Variants in ABCA5 observed in about 807,000 individuals in gnomAD.
ABCA5 encodes ATP binding cassette subfamily A member 5.
In ABCA5, 163 loss-of-function variants were observed where a neutral mutation model predicts 206.0. That is an observed-to-expected ratio of 0.79 (90% CI 0.70 to 0.90). The LOEUF is 0.90. Ranked by LOEUF, ABCA5 falls within the 40% of genes least tolerant of loss-of-function variation. The pLI, the probability that ABCA5 is intolerant of heterozygous loss-of-function variation, is 0.00. For synonymous variants in ABCA5, 609 were observed against 613.8 expected (o/e 0.99, Z 0.11); for missense variants, 1,859 against 1,912.9 (o/e 0.97, Z 0.53).
At chr17:69,318,464 T>A (rs1460578373) in intron 1 of ABCA5, among the ~76,000 whole-genome samples, 1 of 152,160 alleles carries the variant, frequency 6.6e-6, no homozygotes, top group Non-Finnish European at 1.5e-5. Flanking sequence ...TAAATGAGCA[T>A]CTTCTTTATA....
chr17:69,251,921 A>T, intron 34 of ABCA5, 55 bp from the exon 35 acceptor site: 1 of 1,583,014 alleles, frequency 6.3e-7, no homozygotes. Flanking sequence ...GTTAAAAAAA[A>T]ATGGGTTTTT....
intron 5 of ABCA5, 76 bp from the exon 6 acceptor site, chr17:69,307,030 T>A: frequency 9.5e-7 from 1 of 1,050,958 alleles, no homozygotes; most frequent in Non-Finnish European, 1.3e-6. Flanking sequence ...GACAGCTATA[T>A]CCCTAAATTT....
In ABCA5 at chr17:69,273,493, T is replaced by C. The variant is rs1330767308; in HGVS notation, c.2764+466A>G. Among the ~76,000 whole-genome samples, 3 of 110,502 alleles carry C rather than the reference T, an allele frequency of 2.7e-5. No homozygotes were observed. The South Asian group carries it at 8.9e-4, about 33-fold the overall frequency. 72.5% of individuals were successfully genotyped at this position (110,502 alleles called of 152,430 possible). On this transcript the variant is annotated intron_variant, in intron 20 of 38. Coordinates refer to ENST00000392676, the MANE Select transcript of ABCA5 (RefSeq NM_172232.4). Reference sequence around the variant, plus strand: ...TATTTTGAGGCAGAGTCTCCCTCTGTTGCCCAGACTGGAATGCAGTGGTGC... The same window carrying C: ...TATTTTGAGGCAGAGTCTCCCTCTGCTGCCCAGACTGGAATGCAGTGGTGC...
At chr17:69,277,261 G>A (rs1345462) in intron 19 of ABCA5, among the ~76,000 whole-genome samples, 24,615 of 151,956 alleles carry the variant, frequency 0.16, 2,145 homozygotes, top group African/African-American at 0.22. Flanking sequence ...AAAAAATAGC[G>A]AAAAAATAGA....
intron 32 of ABCA5, 72 bp downstream of exon 32, chr17:69,254,243 T>C (rs1598148452): frequency 7.8e-6 from 10 of 1,284,532 alleles, no homozygotes; most frequent in East Asian, 4.9e-5. Context: ...ATGCTTGTTA[T>C]GAAATTTTAA....
chr17:69,267,971 A>C lies in ABCA5; in HGVS notation c.3116T>G (p.Phe1039Cys). Residue 1039 changes from phenylalanine (F) to cysteine (C), a missense_variant, in exon 23 of 39, where the codon TTT becomes TGT. Phe to Cys is a radical substitution (Grantham distance 205, BLOSUM62 -2). Transcript: ENST00000392676. The part of the protein sequence containing the change: ...GIIVTAMPPY[F>C]AMENAENHKI... ...ATGATTCTCTGCATTTTCCATGGCA[A>C]AGTAAGGTGGCATTGCAGTAACAAT... 6.2e-7 allele frequency: 1 copy of C among 1,610,300 alleles called. No individual in the cohort carries two copies. The highest frequency in any genetic ancestry group is 8.5e-7 in the Non-Finnish European group (1 of 1,177,250).
intron 29 of ABCA5, 22 bp downstream of exon 29, chr17:69,256,135 T>G (rs1333171892): frequency 6.5e-7 from 1 of 1,543,354 alleles, no homozygotes; most frequent in South Asian, 1.3e-5. Flanking sequence ...TTACTATGAC[T>G]TAGCCATAAA....
At chr17:69,262,491 TTTCTG>T (rs966928637) in intron 24 of ABCA5, among the ~76,000 whole-genome samples, 3 of 152,174 alleles carry the variant, frequency 2.0e-5, no homozygotes, top group African/African-American at 4.8e-5. Context: ...AATAGTTGGT[TTTCTG>T]TTCCTTTGTT....
intron 29 of ABCA5, 113 bp downstream of exon 29, chr17:69,256,044 A>G (rs1298382783): frequency 4.4e-6 from 6 of 1,373,256 alleles, no homozygotes; most frequent in Non-Finnish European, 5.8e-6. Flanking sequence ...TCCAAGAAAG[A>G]TTTTTTTCAG....
chr17:69,259,914 G>C (rs144221594), intron 27 of ABCA5, 117 bp from the exon 28 acceptor site: 169 of 484,266 alleles, frequency 3.5e-4, no homozygotes, highest in African/African-American at 3.2e-3. Flanking sequence ...ATTACCAAAA[G>C]AAGTAATCAC....
chr17:69,255,024 G>A (rs1357314257), intron 31 of ABCA5, among the ~76,000 whole-genome samples: 1 of 152,140 alleles, frequency 6.6e-6, no homozygotes, highest in Non-Finnish European at 1.5e-5. Flanking sequence ...TAGGGTATAA[G>A]GTATAGCCAA....
chr17:69,286,400 C>A, intron 15 of ABCA5, 89 bp from the exon 16 acceptor site: 1 of 1,106,522 alleles, frequency 9.0e-7, no homozygotes, highest in South Asian at 1.4e-5. Context: ...ATATGAGAGT[C>A]ATCCACATTA....
Position 69,259,812 on chromosome 17 carries a change from T to C in ABCA5, c.3640-15A>G, listed in dbSNP as rs530233030. On this transcript the variant is annotated splice_polypyrimidine_tract_variant and intron_variant, in intron 27 of 38. Transcript: ENST00000392676. The stretch of plus-strand genomic sequence containing the variant: ...TGCAGGTAAGGCTAAAAGAAGAACA[T>C]GTAGCAGCTCATGACTAAAAGATTT... 7 of 1,484,542 alleles carry C rather than the reference T, an allele frequency of 4.7e-6. No homozygotes were observed. The highest frequency in any genetic ancestry group is 1.9e-5 in the Admixed American group (1 of 53,412). 92.0% of individuals were successfully genotyped at this position (1,484,542 alleles called of 1,614,324 possible). A position where few individuals can be genotyped will look rare whatever the true frequency, so the allele number is the denominator to read the frequency against.
chr17:69,267,952 C>G lies in ABCA5; in HGVS notation c.3135G>C (p.Glu1045Asp). 6.3e-7 allele frequency: 1 copy of G among 1,598,508 alleles called. No homozygotes were observed. Among genetic ancestry groups the G allele is most frequent in the Non-Finnish European group, 8.6e-7 (1 of 1,167,152 alleles). The change falls in exon 23 of 39, where the codon GAG becomes GAC. Residue 1045 changes from glutamate (E) to aspartate (D), a missense_variant. Physicochemically the swap from Glu to Asp is conservative, Grantham distance 45. Coordinates refer to ENST00000392676, the MANE Select transcript of ABCA5 (RefSeq NM_172232.4). ...MPPYFAMENA[E>D]NHKIKAYTQL... Reference sequence around the variant, plus strand: ...TTAACTGAGTCATTACCTTATGATTCTCTGCATTTTCCATGGCAAAGTAAG... The same window carrying G: ...TTAACTGAGTCATTACCTTATGATTGTCTGCATTTTCCATGGCAAAGTAAG...
At chr17:69,314,528 A>G in intron 1 of ABCA5, 98 bp from the exon 2 acceptor site, 2 of 688,982 alleles carry the variant, frequency 2.9e-6, no homozygotes, top group South Asian at 3.6e-5. Flanking sequence ...AGTCCCAGGT[A>G]AGATGGATTA....
chr17:69,247,236 A>T lies in ABCA5; in HGVS notation c.*301T>A, dbSNP rs781705311. ...GATAACTTAAAAATAAAACTATTCTATTACAATTCCTTTAAATCACAAATT... is the reference window on the plus strand; with the variant it reads ...GATAACTTAAAAATAAAACTATTCTTTTACAATTCCTTTAAATCACAAATT... On this transcript the variant is annotated 3_prime_UTR_variant, in exon 39 of 39. Transcript: ENST00000392676. The T allele has an allele frequency of 5.0e-6, 1 of 201,114 alleles. No homozygotes were observed. The allele number at this position is 201,114 out of a possible 1,614,324, so 12.5% of individuals were successfully genotyped here.
At chr17:69,295,864 T>C (rs1434043046) in intron 10 of ABCA5, among the ~76,000 whole-genome samples, 1 of 152,192 alleles carries the variant, frequency 6.6e-6, no homozygotes, top group Admixed American at 6.5e-5. Flanking sequence ...ATTTTCAATA[T>C]ATTTACTGAA....
At chr17:69,289,746 T>C in intron 13 of ABCA5, 116 bp downstream of exon 13, 1 of 782,408 alleles carries the variant, frequency 1.3e-6, no homozygotes, top group Non-Finnish European at 1.9e-6. Context: ...TTCTGTTTGC[T>C]GGCTCAGAAC....
At chr17:69,283,867 AT>A (rs2075422731) in intron 18 of ABCA5, 85 bp downstream of exon 18, 1 of 1,344,150 alleles carries the variant, frequency 7.4e-7, no homozygotes, top group Non-Finnish European at 9.9e-7. Context: ...TCTAAAAAAA[AT>A]ATAAAATTAC....
Sources: gnomAD v4.1 joint callset for allele counts (sites outside exome capture counted in the v4.1 genomes callset) on GRCh38, gnomAD v4.1.1 for gene constraint, MANE v1.5 for transcripts, NCBI Gene and HGNC (gene_info 2026-07-23, HGNC 2026-07-21) for gene names.